Variants in AZGP1 observed in about 807,000 individuals in gnomAD.
The protein encoded by AZGP1 is zinc-alpha-2-glycoprotein.
Under a neutral mutation model 31.5 loss-of-function variants are expected in AZGP1, and 28 were observed. The observed-to-expected ratio is 0.89, with a 90% CI of 0.66 to 1.22. AZGP1 has a LOEUF of 1.22. Ranked by LOEUF, AZGP1 falls within the 50% of genes most tolerant of loss-of-function variation. The pLI, the probability that AZGP1 is intolerant of heterozygous loss-of-function variation, is 0.00. For synonymous variants in AZGP1, 135 were observed against 145.4 expected, an observed-to-expected ratio of 0.93 and a Z score of 0.51; for missense variants, 361 against 371.8, an observed-to-expected ratio of 0.97 and a Z score of 0.24.
At chr7:99,972,629 A>G (rs1323078682) in intron 1 of AZGP1, among the ~76,000 whole-genome samples, 1 of 152,154 alleles carries the variant, frequency 6.6e-6, no homozygotes, top group Non-Finnish European at 1.5e-5. Flanking sequence ...CCTGGCCAAC[A>G]TGGTGAAACC....
intron 2 of AZGP1, among the ~76,000 whole-genome samples, chr7:99,969,824 C>A (rs1403367965): frequency 6.6e-6 from 1 of 152,162 alleles, no homozygotes; most frequent in African/African-American, 2.4e-5. Flanking sequence ...CTGATCACTT[C>A]TTTCTACCTT....
At chr7:99,975,469 A>C (rs930274372) in intron 1 of AZGP1, among the ~76,000 whole-genome samples, 1 of 152,064 alleles carries the variant, frequency 6.6e-6, no homozygotes, top group African/African-American at 2.4e-5. Context: ...GACCCACTGC[A>C]GTGGTGTCTG....
intron 1 of AZGP1, among the ~76,000 whole-genome samples, chr7:99,972,671 G>T (rs951282785): frequency 6.6e-6 from 1 of 152,002 alleles, no homozygotes; most frequent in Non-Finnish European, 1.5e-5. Context: ...AAAATTAGCT[G>T]GGCATGGTGG....
At chr7:99,967,959 T>C in intron 3 of AZGP1, 196 bp downstream of exon 3, 1 of 812,598 alleles carries the variant, frequency 1.2e-6, no homozygotes, top group East Asian at 2.7e-5. Context: ...CCATTCTGCC[T>C]GAAATTTTGA....
intron 3 of AZGP1, 26 bp from the exon 4 acceptor site, chr7:99,967,312 G>T: frequency 6.2e-7 from 1 of 1,605,456 alleles, no homozygotes; most frequent in Non-Finnish European, 8.5e-7. Flanking sequence ...GTGTGACACT[G>T]CAGGCTTGAG....
intron 2 of AZGP1, 32 bp downstream of exon 2, chr7:99,971,714 C>T (rs376982756): frequency 1.2e-6 from 2 of 1,601,534 alleles, no homozygotes; most frequent in Admixed American, 1.7e-5. Flanking sequence ...TTGGGTTAGA[C>T]CTTCCACCCC....
chr7:99,973,872 C>T (rs1789617084), intron 1 of AZGP1, among the ~76,000 whole-genome samples: 1 of 147,610 alleles, frequency 6.8e-6, no homozygotes, highest in Non-Finnish European at 1.5e-5. Context: ...GCCAAGATTG[C>T]ACCACTGCAT....
chr7:99,967,564 G>C (rs1424442510), intron 3 of AZGP1: 1 of 519,494 alleles, frequency 1.9e-6, no homozygotes, highest in Non-Finnish European at 3.5e-6. Context: ...GGGCTTTGGA[G>C]TTCTGTCCCC....
chr7:99,971,537 T>TG, intron 2 of AZGP1: 1 of 596,096 alleles, frequency 1.7e-6, no homozygotes, highest in Non-Finnish European at 2.8e-6. Flanking sequence ...ACCTGAGGCC[T>TG]GGGATGAGGA....
chr7:99,974,891 A>T (rs1789633247), intron 1 of AZGP1, among the ~76,000 whole-genome samples: 2 of 152,154 alleles, frequency 1.3e-5, no homozygotes, highest in Non-Finnish European at 2.9e-5. Context: ...CCTTAAGAGA[A>T]AAAGCCTCAG....
chr7:99,975,061 C>A (rs1038336997), intron 1 of AZGP1, among the ~76,000 whole-genome samples: 2 of 152,086 alleles, frequency 1.3e-5, no homozygotes, highest in Admixed American at 1.3e-4. Context: ...AAATAAATCT[C>A]TACTCTCTCT....
chr7:99,967,723 C>T lies in AZGP1; in HGVS notation c.613+432G>A, dbSNP rs183921842. 367 of 432,532 alleles carry T rather than the reference C, an allele frequency of 8.5e-4. 1 individual carries two copies. Among genetic ancestry groups the T allele is most frequent in the Non-Finnish European group, 6.5e-4 (157 of 242,224 alleles). The allele number at this position is 432,532 out of a possible 1,614,324, so 26.8% of individuals were successfully genotyped here. A position where few individuals can be genotyped will look rare whatever the true frequency, so the allele number is the denominator to read the frequency against. On this transcript the variant is annotated intron_variant, in intron 3 of 3. Transcript: ENST00000292401. ...CCGCTCACACTGGCTTGCTCTTGTC[C>T]TTCTGGGGCTGACATTTTACACGCC...
At position 99,971,014 on chromosome 7, in the gene AZGP1, G is replaced by T. The variant is rs373172143; in HGVS notation, c.337+732C>A. 1.4e-4 allele frequency among the ~76,000 whole-genome samples: 22 copies of T among 152,284 alleles called. No homozygotes were observed. The East Asian group carries it at 3.5e-3, about 24-fold the overall frequency. ...AGGTGGCCCTTCCTGGGTCTGCATC[G>T]TATGGTAAGGAGGAACTTTAGGGCT... On this transcript the variant is annotated intron_variant, in intron 2 of 3. Coordinates refer to ENST00000292401, the MANE Select transcript of AZGP1 (RefSeq NM_001185.4).
At chr7:99,972,628 C>A (rs1329570256) in intron 1 of AZGP1, among the ~76,000 whole-genome samples, 3 of 152,106 alleles carry the variant, frequency 2.0e-5, no homozygotes, top group Non-Finnish European at 4.4e-5. Flanking sequence ...GCCTGGCCAA[C>A]ATGGTGAAAC....
chr7:99,967,364 T>C, intron 3 of AZGP1, 78 bp from the exon 4 acceptor site: 4 of 1,476,382 alleles, frequency 2.7e-6, no homozygotes, highest in Non-Finnish European at 3.7e-6. Flanking sequence ...CCCCCACCCC[T>C]GGATGTCAGC....
In AZGP1 at chr7:99,971,795, G is replaced by T. The variant is rs750199875; in HGVS notation, c.288C>A (p.Ile96=). The change falls in exon 2 of 4, where the codon ATC becomes ATA. Residue 96 remains isoleucine, a synonymous_variant. Coordinates refer to ENST00000292401, the MANE Select transcript of AZGP1 (RefSeq NM_001185.4). ...CGATGTCTTTCAGGGTCTCCATAAA[G>T]ATGTCCTCCCTGGCCTTCTGAAGTT... The part of the protein sequence containing the change: ...DSQLQKARED[I]FMETLKDIVE... The T allele has an allele frequency of 1.9e-6, 3 of 1,614,040 alleles. No homozygotes were observed. The highest frequency in any genetic ancestry group is 2.5e-6 in the Non-Finnish European group (3 of 1,179,964).
chr7:99,974,182 GA>G (rs1789622278), intron 1 of AZGP1, among the ~76,000 whole-genome samples: 1 of 151,862 alleles, frequency 6.6e-6, no homozygotes, highest in African/African-American at 2.4e-5. Context: ...CCAACAGGCG[GA>G]GGTTTGCAGT....
chr7:99,967,021 C>T lies in AZGP1; in HGVS notation c.879G>A (p.Val293=). The T allele has an allele frequency of 1.9e-6, 3 of 1,613,728 alleles. No homozygotes were observed. The highest frequency in any genetic ancestry group is 2.5e-6 in the Non-Finnish European group (3 of 1,179,730). Residue 293 remains valine, a synonymous_variant, in exon 4 of 4, where the codon GTG becomes GTA. Transcript: ENST00000292401. ...TTGCTTCCTAGCTGGCCTCCCAGGG[C>T]ACCACGAGGGGCTGGGCCAGGCTGC... ...QHSSLAQPLV[V]PWEAS is the part of the protein sequence containing the mutation.
intron 1 of AZGP1, among the ~76,000 whole-genome samples, chr7:99,973,776 C>T (rs139381992): frequency 6.6e-6 from 1 of 150,822 alleles, no homozygotes; most frequent in Non-Finnish European, 1.5e-5. Context: ...ATTAGCCGGG[C>T]GTGGTGGCAC....
Sources: gnomAD v4.1 joint callset for allele counts (sites outside exome capture counted in the v4.1 genomes callset) on GRCh38, gnomAD v4.1.1 for gene constraint, MANE v1.5 for transcripts, NCBI Gene and HGNC (gene_info 2026-07-23, HGNC 2026-07-21) for gene names.